TOGARAM2: variants seen among roughly 807,000 people sequenced by gnomAD.
TOGARAM2 encodes TOG array regulator of axonemal microtubules protein 2.
A neutral mutation model predicts 93.3 loss-of-function variants in TOGARAM2; 85 were observed. The observed-to-expected ratio is 0.91, with a 90% confidence interval of 0.76 to 1.09. The LOEUF (loss-of-function observed/expected upper bound fraction) is 1.09. TOGARAM2 is among the 50% of genes least tolerant of loss of function. TOGARAM2 has a pLI of 0.00. For synonymous variants in TOGARAM2, 593 were observed against 552.8 expected, an observed-to-expected ratio of 1.07 and a Z score of -1.02; for missense variants, 1,277 against 1,334.5, an observed-to-expected ratio of 0.96 and a Z score of 0.67.
At chr2:28,972,434 T>C (rs1221015683) in intron 1 of TOGARAM2, 1 of 151,962 alleles carries the variant, frequency 6.6e-6, no homozygotes, top group Admixed American at 6.6e-5. Flanking sequence ...TCAAGTGGAG[T>C]AGTGAGAAGA....
At chr2:28,958,214 C>G (rs1268587759) in intron 1 of TOGARAM2, among the ~76,000 whole-genome samples, 1 of 151,806 alleles carries the variant, frequency 6.6e-6, no homozygotes, top group East Asian at 1.9e-4. Context: ...GGTAAGCAAC[C>G]AAAATGAGTT....
chr2:28,994,910 G>A (rs199659978), intron 2 of TOGARAM2, 48 bp downstream of exon 2: 55 of 1,548,974 alleles, frequency 3.6e-5, no homozygotes, highest in African/African-American at 6.9e-5. Flanking sequence ...CCAGGCTAGG[G>A]GACCTGCCTC....
At chr2:28,996,185 G>A (rs761832706) in intron 2 of TOGARAM2, among the ~76,000 whole-genome samples, 1 of 152,202 alleles carries the variant, frequency 6.6e-6, no homozygotes, top group Non-Finnish European at 1.5e-5. Context: ...GGCATTCAAT[G>A]AGTAATGATC....
intron 7 of TOGARAM2, 90 bp downstream of exon 7, chr2:29,011,591 A>T (rs1664250862): frequency 7.9e-7 from 1 of 1,268,544 alleles, no homozygotes; most frequent in African/African-American, 1.5e-5. Flanking sequence ...GCCAGAGGAG[A>T]TCTGAGAGCT....
chr2:28,957,747 C>T (rs969889119), intron 1 of TOGARAM2, among the ~76,000 whole-genome samples: 2 of 152,110 alleles, frequency 1.3e-5, no homozygotes, highest in Admixed American at 6.6e-5. Flanking sequence ...GTGTTTATTT[C>T]GAACTTCAGT....
intron 6 of TOGARAM2, among the ~76,000 whole-genome samples, chr2:29,005,815 A>G (rs1663728729): frequency 7.4e-6 from 1 of 134,814 alleles, no homozygotes; most frequent in African/African-American, 3.0e-5. Flanking sequence ...CATGTGTGTG[A>G]GTGCATGTGT....
Position 29,045,429 on chromosome 2 carries a change from A to AC in TOGARAM2, c.2722+23dup. On this transcript the variant is annotated intron_variant, in intron 19 of 19. Coordinates refer to ENST00000379558, the MANE Select transcript of TOGARAM2 (RefSeq NM_199280.4). ...CTGGCAGGTGAGCACCCCCAGCCCC[A>AC]CCCCACCCCATCTCCTGGCAGATTT... 2 of 1,105,998 alleles carry AC rather than the reference A, an allele frequency of 1.8e-6. No homozygotes were observed. The highest frequency in any genetic ancestry group is 1.7e-5 in the African/African-American group (1 of 58,218). The allele number at this position is 1,105,998 out of a possible 1,614,324, so 68.5% of individuals were successfully genotyped here. A position where few individuals can be genotyped will look rare whatever the true frequency, so the allele number is the denominator to read the frequency against.
intron 11 of TOGARAM2, among the ~76,000 whole-genome samples, 198 bp from the exon 12 acceptor site, chr2:29,022,888 A>C (rs1285254397): frequency 4.6e-5 from 7 of 152,146 alleles, no homozygotes; most frequent in African/African-American, 1.7e-4. Context: ...AGGCCACATA[A>C]AACTGGCTTT....
At chr2:29,047,928 G>T (rs768950954) in intron 19 of TOGARAM2, 1 of 152,090 alleles carries the variant, frequency 6.6e-6, no homozygotes, top group South Asian at 2.1e-4. Flanking sequence ...TGGTGGGGGT[G>T]GGGGTGGAGG....
At position 29,011,482 on chromosome 2, in the gene TOGARAM2, G is replaced by A. The variant is rs1664245226; in HGVS notation, c.858G>A (p.Glu286=). 1 of 1,607,314 alleles carries A rather than the reference G, an allele frequency of 6.2e-7. No individual in the cohort carries two copies. The highest frequency in any genetic ancestry group is 1.7e-5 in the Admixed American group (1 of 58,520). Residue 286 remains glutamate, a synonymous_variant, in exon 7 of 20, where the codon GAG becomes GAA. Transcript: ENST00000379558. The part of the protein sequence containing the change: ...TRLARGSGPR[E]KTPASLEPKP... ...TGGCTCGGGGGAGTGGGCCTCGGGAGAAGACCCCTGCATCTCTGGGTACGT... is the reference window on the plus strand; with the variant it reads ...TGGCTCGGGGGAGTGGGCCTCGGGAAAAGACCCCTGCATCTCTGGGTACGT...
intron 6 of TOGARAM2, 88 bp from the exon 7 acceptor site, chr2:29,011,366 GC>G: frequency 8.3e-7 from 1 of 1,209,088 alleles, no homozygotes. Context: ...CTCGGCCATT[GC>G]CCCATCCTGG....
At chr2:29,035,756 C>A in intron 17 of TOGARAM2, 100 bp downstream of exon 17, 1 of 1,172,296 alleles carries the variant, frequency 8.5e-7, no homozygotes, top group Non-Finnish European at 1.1e-6. Flanking sequence ...TGTCAGACCC[C>A]TTGCTATGCA....
chr2:29,036,559 C>T lies in TOGARAM2; in HGVS notation c.2437C>T (p.Pro813Ser). The change falls in exon 18 of 20, where the codon CCA (proline) becomes TCA (serine). Residue 813 changes from proline to serine, a missense_variant. Coordinates refer to ENST00000379558, the MANE Select transcript of TOGARAM2 (RefSeq NM_199280.4). Reference protein sequence around the residue: ...HLVQVFDAFTPRLQDSNKKVN... With the variant: ...HLVQVFDAFTSRLQDSNKKVN... ...TCAATAGGTCTTTGATGCTTTCACC[C>T]CAAGGCTTCAGGATTCCAACAAGAA... 1 of 1,613,954 alleles carries T rather than the reference C, an allele frequency of 6.2e-7. No individual in the cohort carries two copies.
intron 14 of TOGARAM2, 200 bp from the exon 15 acceptor site, chr2:29,032,734 A>C (rs1009208391): frequency 1.9e-6 from 1 of 517,314 alleles, no homozygotes; most frequent in African/African-American, 1.9e-5. Context: ...TAAAAATTTA[A>C]TAGGGATTTT....
chr2:28,961,137 A>T lies in TOGARAM2; in HGVS notation c.-147+4440A>T, dbSNP rs754908875. On this transcript the variant is annotated intron_variant, in intron 1 of 6. Coordinates refer to the TOGARAM2 transcript ENST00000401723. Reference sequence around the variant, plus strand: ...GAGTTAGCAGCCTAGGGTCAAAAAAATTGACCCTGCTGTCCTGAGTCCTCT... The same window carrying T: ...GAGTTAGCAGCCTAGGGTCAAAAAATTTGACCCTGCTGTCCTGAGTCCTCT... Among the ~76,000 whole-genome samples, 94 of 152,174 alleles carry T rather than the reference A, an allele frequency of 6.2e-4. No individual in the cohort carries two copies. The Middle Eastern group carries it at 0.01, about 17-fold the overall frequency.
At chr2:28,957,591 T>A (rs1303466015) in intron 1 of TOGARAM2, among the ~76,000 whole-genome samples, 2 of 152,212 alleles carry the variant, frequency 1.3e-5, no homozygotes, top group African/African-American at 4.8e-5. Context: ...CTCTTCTCCC[T>A]CTGGCTGGAG....
intron 12 of TOGARAM2, 76 bp downstream of exon 12, chr2:29,023,267 A>G (rs1019572610): frequency 5.6e-6 from 7 of 1,255,324 alleles, no homozygotes; most frequent in African/African-American, 4.5e-5. Flanking sequence ...GCAGCTGTGG[A>G]GGGGCTGTGG....
chr2:29,029,754 T>TAAAAAAA (rs764355917), intron 14 of TOGARAM2, among the ~76,000 whole-genome samples: 8,299 of 126,444 alleles, frequency 0.066, 519 homozygotes, highest in African/African-American at 0.15. Flanking sequence ...AGGCTCTGTC[T>TAAAAAAA]AAAAAAAAAA....
At chr2:28,999,580 G>T in intron 4 of TOGARAM2, 112 bp downstream of exon 4, 1 of 1,237,070 alleles carries the variant, frequency 8.1e-7, no homozygotes, top group Non-Finnish European at 1.1e-6. Flanking sequence ...GGGATGCCCT[G>T]GGGGTGATCG....
Sources: gnomAD v4.1 joint callset for allele counts (sites outside exome capture counted in the v4.1 genomes callset) on GRCh38, gnomAD v4.1.1 for gene constraint, MANE v1.5 for transcripts, NCBI Gene and HGNC (gene_info 2026-07-23, HGNC 2026-07-21) for gene names.